Variants in OSBPL3 observed in about 807,000 individuals in gnomAD.
OSBPL3 encodes oxysterol binding protein like 3, also known as oxysterol-binding protein-related protein 3.
In OSBPL3, 65 loss-of-function variants were observed where a neutral mutation model predicts 120.1. The ratio of observed to expected loss-of-function variants is 0.54; its 90% CI spans 0.44 to 0.67. The LOEUF is 0.67. OSBPL3 is among the 30% of genes least tolerant of loss of function. The pLI, the probability that OSBPL3 is intolerant of heterozygous loss-of-function variation, is 0.00. For synonymous variants in OSBPL3, 416 were observed against 402.6 expected (o/e 1.03, Z -0.40); for missense variants, 1,004 against 1,082.1 (o/e 0.93, Z 1.01).
At chr7:24,954,252 T>C (rs1814780131) in intron 1 of OSBPL3, among the ~76,000 whole-genome samples, 1 of 152,198 alleles carries the variant, frequency 6.6e-6, no homozygotes, top group Non-Finnish European at 1.5e-5. Context: ...CATATTAAGG[T>C]ATTTTTAGAC....
At chr7:24,829,579 C>G (rs760754670) in intron 16 of OSBPL3, among the ~76,000 whole-genome samples, 6 of 152,178 alleles carry the variant, frequency 3.9e-5, no homozygotes, top group African/African-American at 7.2e-5. Context: ...AATCCACCCC[C>G]CTTCTCCTCA....
upstream of OSBPL3, among the ~76,000 whole-genome samples, chr7:24,981,187 T>A (rs966645824): frequency 6.6e-6 from 1 of 152,010 alleles, no homozygotes; most frequent in Non-Finnish European, 1.5e-5. This position sits in a 1 kb window ranked among gnomAD's most constrained non-coding sequence, Gnocchi z 7.3. Context: ...TGACAGACTG[T>A]TAGTACTGAG....
intron 12 of OSBPL3, among the ~76,000 whole-genome samples, chr7:24,843,335 G>A (rs941448069): frequency 1.3e-5 from 2 of 152,196 alleles, no homozygotes; most frequent in African/African-American, 4.8e-5. Context: ...TGAGGAAAAA[G>A]AACAGATTCA....
At position 24,813,389 on chromosome 7, in the gene OSBPL3, G is replaced by A. The variant is rs1794074270; in HGVS notation, c.2172+1670C>T. Among the ~76,000 whole-genome samples the A allele has an allele frequency of 6.6e-6, 1 of 152,184 alleles. No individual in the cohort carries two copies. Among genetic ancestry groups the A allele is most frequent in the Non-Finnish European group, 1.5e-5 (1 of 68,032 alleles). On this transcript the variant is annotated intron_variant, in intron 19 of 22. Coordinates refer to ENST00000313367, the MANE Select transcript of OSBPL3 (RefSeq NM_015550.4). This position sits in a 1 kb window ranked among gnomAD's most constrained non-coding sequence, Gnocchi z 4.5. ...ACCCATTTTCTGCATGTAAGTGAAT[G>A]AGAACAAGGTAGGTGGTAGATATGG...
intron 2 of OSBPL3, among the ~76,000 whole-genome samples, chr7:24,880,277 C>T (rs941656161): frequency 3.9e-5 from 6 of 152,168 alleles, no homozygotes; most frequent in African/African-American, 1.4e-4. Context: ...AACCCATTTG[C>T]AGACTGCGTC....
At chr7:24,958,346 G>A (rs1364619757) in intron 1 of OSBPL3, among the ~76,000 whole-genome samples, 1 of 151,986 alleles carries the variant, frequency 6.6e-6, no homozygotes, top group Non-Finnish European at 1.5e-5. Context: ...TTGATTGATA[G>A]TCTCTCTTTG....
intron 1 of OSBPL3, among the ~76,000 whole-genome samples, chr7:24,920,756 G>C (rs776778017): frequency 1.3e-5 from 2 of 152,090 alleles, no homozygotes; most frequent in Non-Finnish European, 2.9e-5. Context: ...ATGGGACCCT[G>C]TGATTTCGGA....
At chr7:24,948,600 G>C (rs918581053) in intron 1 of OSBPL3, among the ~76,000 whole-genome samples, 11 of 152,134 alleles carry the variant, frequency 7.2e-5, no homozygotes, top group African/African-American at 2.4e-4. Context: ...CTATGGAAGA[G>C]GATGTCTCCA....
chr7:24,840,815 G>T, intron 13 of OSBPL3, 32 bp from the exon 14 acceptor site: 1 of 1,015,398 alleles, frequency 9.8e-7, no homozygotes, highest in Non-Finnish European at 1.5e-6. Context: ...ATTCATTAGA[G>T]TTAGAATAAA....
chr7:24,816,613 G>T lies in OSBPL3; in HGVS notation c.2024C>A (p.Pro675Gln). Residue 675 changes from proline to glutamine, a missense_variant, in exon 18 of 23, where the codon CCA (proline) becomes CAA (glutamine). Physicochemically the swap from Pro to Gln is moderately conservative, Grantham distance 76. Transcript: ENST00000313367. ...TAACCACAGAAGAAGAACTTACACT[G>T]GCAGAGTCACATGGGTTGTGCCAAT... ...VPIGTTHVTL[P>Q]VFGDHFEWNK... is the part of the protein sequence containing the mutation. The T allele has an allele frequency of 6.2e-7, 1 of 1,608,552 alleles. No individual in the cohort carries two copies. The highest frequency in any genetic ancestry group is 8.5e-7 in the Non-Finnish European group (1 of 1,174,924).
At chr7:24,903,693 A>G (rs1380930255) in intron 1 of OSBPL3, among the ~76,000 whole-genome samples, 1 of 152,168 alleles carries the variant, frequency 6.6e-6, no homozygotes, top group East Asian at 1.9e-4. Flanking sequence ...TGTGTCTGCC[A>G]ACACTCAATA....
Position 24,820,157 on chromosome 7 carries a change from A to G in OSBPL3, c.1948+18T>C, listed in dbSNP as rs1407155323. 1.7e-5 allele frequency: 26 copies of G among 1,530,480 alleles called. No homozygotes were observed. The highest frequency in any genetic ancestry group is 2.2e-5 in the Non-Finnish European group (24 of 1,106,088). The allele number at this position is 1,530,480 out of a possible 1,614,324, so 94.8% of individuals were successfully genotyped here. Reference sequence around the variant, plus strand: ...ATATTACACAATATGATGGAAGTAAAATGTATTAGCACATTACCTTGCCAG... The same window carrying G: ...ATATTACACAATATGATGGAAGTAAGATGTATTAGCACATTACCTTGCCAG... On this transcript the variant is annotated intron_variant, in intron 17 of 22. Coordinates refer to ENST00000313367, the MANE Select transcript of OSBPL3 (RefSeq NM_015550.4). This position sits in a 1 kb window ranked among gnomAD's most constrained non-coding sequence, Gnocchi z 4.6.
chr7:24,976,409 G>C (rs1042171778), intron 1 of OSBPL3, among the ~76,000 whole-genome samples: 4 of 152,114 alleles, frequency 2.6e-5, no homozygotes, highest in Non-Finnish European at 4.4e-5. Context: ...ACAATGTTAG[G>C]ACAGAGTGCA....
chr7:24,830,638 G>A lies in OSBPL3; in HGVS notation c.1884+130C>T. 1 of 937,910 alleles carries A rather than the reference G, an allele frequency of 1.1e-6. No homozygotes were observed. Among genetic ancestry groups the A allele is most frequent in the Non-Finnish European group, 1.6e-6 (1 of 632,316 alleles). 58.1% of individuals were successfully genotyped at this position (937,910 alleles called of 1,614,324 possible). A position where few individuals can be genotyped will look rare whatever the true frequency, so the allele number is the denominator to read the frequency against. ...AAGGGAAATCGATCCCTCCCTTTAT[G>A]TTGAAAAGCACTGTAATTATCTCGG... On this transcript the variant is annotated intron_variant, in intron 16 of 22. Transcript: ENST00000313367. This position sits in a 1 kb window ranked among gnomAD's most constrained non-coding sequence, Gnocchi z 4.4.
In OSBPL3 at chr7:24,947,693, T is replaced by C. The variant is rs149576752; in HGVS notation, c.-150+32193A>G. Among the ~76,000 whole-genome samples the C allele has an allele frequency of 2.1e-3, 314 of 152,102 alleles. 2 individuals carry two copies. Among genetic ancestry groups the C allele is most frequent in the African/African-American group, 7.0e-3 (290 of 41,460 alleles). On this transcript the variant is annotated intron_variant, in intron 1 of 22. Coordinates refer to ENST00000313367, the MANE Select transcript of OSBPL3 (RefSeq NM_015550.4). This position sits in a 1 kb window ranked among gnomAD's most constrained non-coding sequence, Gnocchi z 4.4. ...ACAGTATTTATTGAAATTTGAACAT[T>C]AGAAATATGCTACAAACTAAACTAT... is the stretch of plus-strand genomic sequence containing the variant.
In OSBPL3 at chr7:24,964,255, C is replaced by T. The variant is rs1297110595; in HGVS notation, c.-150+15631G>A. 6.6e-6 allele frequency among the ~76,000 whole-genome samples: 1 copy of T among 152,188 alleles called. No homozygotes were observed. The highest frequency in any genetic ancestry group is 1.5e-5 in the Non-Finnish European group (1 of 68,040). On this transcript the variant is annotated intron_variant, in intron 1 of 22. Coordinates refer to ENST00000313367, the MANE Select transcript of OSBPL3 (RefSeq NM_015550.4). The surrounding 1 kb of genome is among the most constrained non-coding windows in gnomAD (Gnocchi z 4.2). ...AGTATGAGCTGTGCATAATAACTTA[C>T]TTCCAAAGAGTATAGTATGGAAAGG... is the stretch of plus-strand genomic sequence containing the variant.
At chr7:24,942,242 A>G (rs1813188092) in intron 1 of OSBPL3, among the ~76,000 whole-genome samples, 1 of 152,196 alleles carries the variant, frequency 6.6e-6, no homozygotes, top group African/African-American at 2.4e-5. Context: ...GGAATGAACT[A>G]AACCACATTT....
chr7:24,854,913 T>C lies in OSBPL3; in HGVS notation c.1028-2279A>G, dbSNP rs1387824331. The stretch of plus-strand genomic sequence containing the variant: ...GTATGTAATAAATAACAAATGTTAC[T>C]GCAATATCATAGTGATACCGATGAA... On this transcript the variant is annotated intron_variant, in intron 10 of 22. Transcript: ENST00000313367. This position sits in a 1 kb window ranked among gnomAD's most constrained non-coding sequence, Gnocchi z 4.1. Among the ~76,000 whole-genome samples the C allele has an allele frequency of 1.3e-5, 2 of 152,254 alleles. No homozygotes were observed. Among genetic ancestry groups the C allele is most frequent in the East Asian group, 3.8e-4 (2 of 5,204 alleles).
intron 5 of OSBPL3, among the ~76,000 whole-genome samples, chr7:24,866,969 T>A (rs181871004): frequency 4.4e-4 from 67 of 152,228 alleles, no homozygotes; most frequent in African/African-American, 1.6e-3. Flanking sequence ...CCCAGCTAAT[T>A]TTTTGTATCT....
Sources: allele counts gnomAD v4.1 joint callset (sites outside exome capture counted in the v4.1 genomes callset), GRCh38; gene constraint gnomAD v4.1.1; non-coding constraint Gnocchi (gnomAD v3.1); transcripts MANE v1.5; gene names NCBI Gene and HGNC (gene_info 2026-07-23, HGNC 2026-07-21).